The following FANCL variants were observed in gnomAD, a reference collection of about 807,000 sequenced individuals.
FANCL encodes the protein E3 ubiquitin-protein ligase FANCL.
In FANCL, 69 loss-of-function variants were observed where a neutral mutation model predicts 59.4. The ratio of observed to expected loss-of-function variants is 1.16; its 90% confidence interval spans 0.96 to 1.42. FANCL has a LOEUF of 1.42. Ranked by LOEUF, FANCL falls within the 40% of genes most tolerant of loss-of-function variation. The probability of loss-of-function intolerance (pLI) is 0.00; values close to 1 mark genes in which losing one functional copy is unlikely to be tolerated. For synonymous variants in FANCL, 180 were observed against 147.1 expected, an observed-to-expected ratio of 1.22 and a Z score of -1.62; for missense variants, 519 against 447.2, an observed-to-expected ratio of 1.16 and a Z score of -1.45.
At chr2:58,230,475 T>G (rs979977531) in intron 2 of FANCL, among the ~76,000 whole-genome samples, 1 of 152,110 alleles carries the variant, frequency 6.6e-6, no homozygotes, top group African/African-American at 2.4e-5. Flanking sequence ...GCTAGAAAGA[T>G]ACATACTTCT....
At position 58,159,558 on chromosome 2, in the gene FANCL, A is replaced by C. The variant is rs562772305; in HGVS notation, c.*207T>G. The C allele has an allele frequency of 6.2e-7, 1 of 1,613,864 alleles. No homozygotes were observed. Among genetic ancestry groups the C allele is most frequent in the South Asian group, 1.1e-5 (1 of 91,074 alleles). ...CAGTCAGCACGGGGATCACAGACTT[A>C]GAAAGTTCAACTGGACTTTGGCCTA... On this transcript the variant is annotated 3_prime_UTR_variant, in exon 14 of 14. Transcript: ENST00000233741.
chr2:58,195,672 A>T (rs1346308200), intron 7 of FANCL, among the ~76,000 whole-genome samples: 2 of 152,168 alleles, frequency 1.3e-5, no homozygotes, highest in Non-Finnish European at 2.9e-5. Context: ...AAAAATTAGT[A>T]TCAAAATATA....
chr2:58,198,995 C>T (rs1215050104), intron 6 of FANCL, among the ~76,000 whole-genome samples: 1 of 148,060 alleles, frequency 6.8e-6, no homozygotes, highest in African/African-American at 2.5e-5. Context: ...CGCCACTGCA[C>T]TCCAGCCTGG....
intron 7 of FANCL, among the ~76,000 whole-genome samples, chr2:58,172,144 C>A (rs1389610827): frequency 6.6e-6 from 1 of 152,226 alleles, no homozygotes; most frequent in African/African-American, 2.4e-5. Context: ...GGCCTGCCTG[C>A]CTCTGTAGGC....
At position 58,239,432 on chromosome 2, in the gene FANCL, C is replaced by A. The variant is rs140052173; in HGVS notation, c.96+1786G>T. On this transcript the variant is annotated intron_variant, in intron 1 of 13. Transcript: ENST00000233741. ...AGATACATTCTACCTAACAGCCAAT[C>A]TGTACTCTTTAAAAATGTCTAGCTT... is the stretch of plus-strand genomic sequence containing the variant. 5.2e-4 allele frequency among the ~76,000 whole-genome samples: 79 copies of A among 152,280 alleles called. 1 individual carries two copies. Among genetic ancestry groups the A allele is most frequent in the African/African-American group, 1.9e-3 (77 of 41,554 alleles).
rs909210515 is a variant in FANCL, at chr2:58,227,172, G to A, written c.217-388C>T. On this transcript the variant is annotated intron_variant, in intron 3 of 13. Coordinates refer to ENST00000233741, the MANE Select transcript of FANCL (RefSeq NM_018062.4). ...AGGGGAGCATACAGACGGGCAGGCT[G>A]TGGAGCTCCAACCCCACAGCAGTGT... Among the ~76,000 whole-genome samples, 124 of 152,316 alleles carry A rather than the reference G, an allele frequency of 8.1e-4. 1 individual carries two copies. Among genetic ancestry groups the A allele is most frequent in the African/African-American group, 2.8e-3 (115 of 41,572 alleles).
chr2:58,189,847 G>A (rs1344561696), intron 7 of FANCL, among the ~76,000 whole-genome samples: 1 of 151,800 alleles, frequency 6.6e-6, no homozygotes, highest in African/African-American at 2.4e-5. Context: ...ATAATTTTCT[G>A]GTACTTGCAA....
At chr2:58,181,025 T>C (rs1022977371) in intron 7 of FANCL, among the ~76,000 whole-genome samples, 2 of 152,050 alleles carry the variant, frequency 1.3e-5, no homozygotes, top group Admixed American at 6.6e-5. Context: ...AAGAACTAAA[T>C]ATATTCCTAC....
intron 3 of FANCL, among the ~76,000 whole-genome samples, chr2:58,228,949 T>C (rs1173656004): frequency 6.6e-6 from 1 of 152,134 alleles, no homozygotes; most frequent in Non-Finnish European, 1.5e-5. Flanking sequence ...ATATAAATAG[T>C]CAAAGGGATG....
chr2:58,170,041 C>T (rs927626721), intron 7 of FANCL, among the ~76,000 whole-genome samples: 5 of 152,088 alleles, frequency 3.3e-5, no homozygotes, highest in African/African-American at 7.2e-5. Context: ...GAGAACACCA[C>T]AAAGATACTC....
chr2:58,203,015 C>T (rs1229482147), intron 6 of FANCL, among the ~76,000 whole-genome samples: 1 of 138,838 alleles, frequency 7.2e-6, no homozygotes, highest in Non-Finnish European at 1.5e-5. Context: ...AGGATAAAGG[C>T]AAATTTCTCT....
chr2:58,230,725 C>G (rs1381991691), intron 2 of FANCL, among the ~76,000 whole-genome samples: 1 of 152,152 alleles, frequency 6.6e-6, no homozygotes, highest in Non-Finnish European at 1.5e-5. Context: ...GTAGTTCATT[C>G]AAATGTCCAT....
intron 4 of FANCL, among the ~76,000 whole-genome samples, chr2:58,223,747 T>C (rs1303186691): frequency 1.3e-5 from 2 of 151,966 alleles, no homozygotes; most frequent in Non-Finnish European, 2.9e-5. Flanking sequence ...TTAGGATTAT[T>C]TTAAATATAG....
At chr2:58,226,695 G>A (rs780633246) in intron 4 of FANCL, 33 bp downstream of exon 4, 14 of 1,514,166 alleles carry the variant, frequency 9.2e-6, no homozygotes, top group African/African-American at 1.4e-5. Context: ...CTTGCAGTAT[G>A]GTAACAGTGT....
rs73944834 is a variant in FANCL at position 58,194,131 on chromosome 2, T to C, written c.540+4463A>G. 871 of 430,734 alleles carry C rather than the reference T, an allele frequency of 2.0e-3. 9 individuals carry two copies. Among genetic ancestry groups the C allele is most frequent in the African/African-American group, 0.017 (829 of 48,136 alleles). The allele number at this position is 430,734 out of a possible 1,614,324, so 26.7% of individuals were successfully genotyped here. ...ATGTAAGATTTCCATGATAAAAAAATATAAAGACCACTATTTACTACACCA... is the reference window on the plus strand; with the variant it reads ...ATGTAAGATTTCCATGATAAAAAAACATAAAGACCACTATTTACTACACCA... On this transcript the variant is annotated intron_variant, in intron 7 of 13. Transcript: ENST00000233741.
At chr2:58,211,820 C>T (rs1399223308) in intron 5 of FANCL, among the ~76,000 whole-genome samples, 1 of 152,162 alleles carries the variant, frequency 6.6e-6, no homozygotes, top group African/African-American at 2.4e-5. Flanking sequence ...TGCTCCAGTT[C>T]CCAACAAATT....
At chr2:58,216,147 A>T (rs1415280913) in intron 5 of FANCL, among the ~76,000 whole-genome samples, 1 of 152,154 alleles carries the variant, frequency 6.6e-6, no homozygotes, top group African/African-American at 2.4e-5. Context: ...AATCCCAATG[A>T]ATATACCTGG....
intron 7 of FANCL, among the ~76,000 whole-genome samples, chr2:58,170,461 T>A (rs1333730083): frequency 1.3e-5 from 2 of 151,920 alleles, no homozygotes; most frequent in South Asian, 2.1e-4. Flanking sequence ...ATCAACACTA[T>A]GAAGAAACTG....
chr2:58,219,162 AAAAAAAAAAATATATATATATAT>A (rs1311100355), intron 5 of FANCL, among the ~76,000 whole-genome samples: 8 of 94,068 alleles, frequency 8.5e-5, no homozygotes, highest in African/African-American at 4.6e-4. Flanking sequence ...AAAAAAAAAA[AAAAAAAAAAATATATATATATAT>A]ATATATATAT....
Sources: gnomAD v4.1 joint callset for allele counts (sites outside exome capture counted in the v4.1 genomes callset) on GRCh38, gnomAD v4.1.1 for gene constraint, MANE v1.5 for transcripts, NCBI Gene and HGNC (gene_info 2026-07-23, HGNC 2026-07-21) for gene names.